The following GABRB1 variants were observed in gnomAD, a reference collection of about 807,000 sequenced individuals.
GABRB1 encodes the protein gamma-aminobutyric acid receptor subunit beta-1.
Under a neutral mutation model 51.6 loss-of-function variants are expected in GABRB1, and 17 were observed. The observed-to-expected ratio is 0.33, with a 90% CI of 0.23 to 0.49. The LOEUF (loss-of-function observed/expected upper bound fraction) is 0.49, where lower values mean the gene tolerates loss of function less well. Among genes scored for constraint, GABRB1 ranks in the 20% least tolerant of loss-of-function variants. The pLI is 0.99. For missense variants in GABRB1, 410 were observed against 600.6 expected (o/e 0.68, Z 3.32); for synonymous variants, 247 against 218.9 (o/e 1.13, Z -1.14).
chr4:47,311,347 G>GGATGCAGT lies in GABRB1; in HGVS notation c.462-8777_462-8770dup, dbSNP rs1273591294. The stretch of plus-strand genomic sequence containing the variant: ...GAATCTCTTGAAGCTGGGAGATGGA[G>GGATGCAGT]GATGCAGTGAGCTGAGATCGTGCCA... On this transcript the variant is annotated intron_variant, in intron 4 of 8. Coordinates refer to ENST00000295454, the MANE Select transcript of GABRB1 (RefSeq NM_000812.4). Among the ~76,000 whole-genome samples the GGATGCAGT allele has an allele frequency of 3.3e-5, 5 of 150,750 alleles. No individual in the cohort carries two copies. In the East Asian group the frequency reaches 1.0e-3, roughly 30 times the overall value.
chr4:47,368,648 A>G (rs898364561), intron 5 of GABRB1, among the ~76,000 whole-genome samples: 13 of 152,118 alleles, frequency 8.5e-5, no homozygotes, highest in Non-Finnish European at 1.8e-4. Flanking sequence ...TCTGATAGCC[A>G]GTGTTGTTTT....
intron 4 of GABRB1, among the ~76,000 whole-genome samples, chr4:47,219,737 T>G (rs1006332597): frequency 1.3e-5 from 2 of 151,912 alleles, no homozygotes; most frequent in South Asian, 4.1e-4. Flanking sequence ...TATGTGGAAT[T>G]ACCTTATTTC....
chr4:47,038,357 G>A (rs978688176), intron 3 of GABRB1, among the ~76,000 whole-genome samples: 3 of 152,146 alleles, frequency 2.0e-5, no homozygotes, highest in Admixed American at 6.5e-5. Context: ...GCAACAAGAA[G>A]CAATGATCTT....
chr4:47,017,782 G>A (rs1349441528), intron 1 of GABRB1, among the ~76,000 whole-genome samples: 1 of 152,076 alleles, frequency 6.6e-6, no homozygotes, highest in Non-Finnish European at 1.5e-5. Flanking sequence ...TCAAAATTTT[G>A]CTCACTGCTT....
chr4:47,030,114 T>C (rs555282114), upstream of GABRB1, among the ~76,000 whole-genome samples: 63 of 152,318 alleles, frequency 4.1e-4, no homozygotes, highest in Admixed American at 2.4e-3. Flanking sequence ...TTGGATAGAA[T>C]TGACATCCTT....
chr4:47,258,427 C>T (rs1246343743), intron 4 of GABRB1, among the ~76,000 whole-genome samples: 1 of 152,032 alleles, frequency 6.6e-6, no homozygotes, highest in Non-Finnish European at 1.5e-5. Context: ...TATTAGTTCC[C>T]ATCAAATTCT....
rs1274221477 is a variant in GABRB1, at chr4:47,019,625, C to CTCTCTCTCTCTCTTTCTT, written c.-19-12286_-19-12285insCTCTCTCTCTTTCTTTCT. On this transcript the variant is annotated intron_variant, in intron 1 of 3. Coordinates refer to the GABRB1 transcript ENST00000513567. ...TCCTCCCTTCTTTCTTTCTTTCTCTCTCTTTCTTTCTTTCTTTCTTTCTTT... is the reference window on the plus strand; with the variant it reads ...TCCTCCCTTCTTTCTTTCTTTCTCTCTCTCTCTCTCTCTTTCTTTCTTTCTTTCTTTCTTTCTTTCTTT... 9.3e-4 allele frequency among the ~76,000 whole-genome samples: 85 copies of CTCTCTCTCTCTCTTTCTT among 91,098 alleles called. 1 individual carries two copies. Among genetic ancestry groups the CTCTCTCTCTCTCTTTCTT allele is most frequent in the African/African-American group, 2.0e-3 (46 of 22,622 alleles). The allele number at this position is 91,098 out of a possible 152,430, so 59.8% of individuals were successfully genotyped here.
intron 5 of GABRB1, among the ~76,000 whole-genome samples, chr4:47,338,406 C>G (rs890776645): frequency 2.0e-5 from 3 of 152,144 alleles, no homozygotes; most frequent in Non-Finnish European, 4.4e-5. Flanking sequence ...ACAGATGCAC[C>G]ACGCCATTCT....
intron 3 of GABRB1, among the ~76,000 whole-genome samples, chr4:47,083,182 C>G (rs1322015611): frequency 3.9e-5 from 6 of 152,110 alleles, no homozygotes; most frequent in African/African-American, 1.4e-4. Context: ...GACCTTTAGT[C>G]TTGTAATTGA....
intron 3 of GABRB1, among the ~76,000 whole-genome samples, chr4:47,114,997 G>A (rs142277749): frequency 3.3e-5 from 5 of 152,156 alleles, no homozygotes; most frequent in African/African-American, 1.2e-4. Flanking sequence ...TCTTCTTTAA[G>A]CTCTTTAAAT....
chr4:47,025,244 T>C (rs1725055399), intron 1 of GABRB1, among the ~76,000 whole-genome samples: 1 of 151,844 alleles, frequency 6.6e-6, no homozygotes, highest in African/African-American at 2.4e-5. Context: ...TGATTTATTT[T>C]CCTCTGGGTA....
At chr4:47,299,396 A>G (rs1724151481) in intron 4 of GABRB1, among the ~76,000 whole-genome samples, 1 of 152,212 alleles carries the variant, frequency 6.6e-6, no homozygotes, top group South Asian at 2.1e-4. Context: ...TTTACAAGAA[A>G]AAAACAAATA....
intron 4 of GABRB1, among the ~76,000 whole-genome samples, chr4:47,178,001 T>C (rs183411787): frequency 6.6e-6 from 1 of 152,088 alleles, no homozygotes; most frequent in East Asian, 1.9e-4. Context: ...TATAACTCCA[T>C]GTTGCTATAG....
intron 3 of GABRB1, among the ~76,000 whole-genome samples, chr4:47,096,251 C>T (rs1714425743): frequency 1.3e-5 from 2 of 152,236 alleles, no homozygotes; most frequent in African/African-American, 2.4e-5. Context: ...TCCATTATTA[C>T]TGTTTTTCCT....
At chr4:47,260,951 C>T (rs1461354459) in intron 4 of GABRB1, among the ~76,000 whole-genome samples, 1 of 152,184 alleles carries the variant, frequency 6.6e-6, no homozygotes, top group African/African-American at 2.4e-5. Context: ...ACAAAAACCA[C>T]ATGATTATCT....
intron 4 of GABRB1, among the ~76,000 whole-genome samples, chr4:47,244,875 G>T (rs1400189699): frequency 6.6e-6 from 1 of 152,076 alleles, no homozygotes; most frequent in Non-Finnish European, 1.5e-5. Context: ...AGCACTAAAT[G>T]CCCACAAGAG....
upstream of GABRB1, among the ~76,000 whole-genome samples, chr4:47,028,183 T>A (rs527456775): frequency 1.5e-3 from 233 of 151,828 alleles, 3 homozygotes; most frequent in African/African-American, 5.1e-3. Flanking sequence ...TTCTATTTTT[T>A]AAAAAGTTTT....
intron 5 of GABRB1, among the ~76,000 whole-genome samples, chr4:47,349,025 G>C (rs758552662): frequency 1.4e-4 from 22 of 152,124 alleles, no homozygotes; most frequent in Non-Finnish European, 2.5e-4. Context: ...GATAAACACG[G>C]ATGCCATCTA....
At chr4:47,127,478 A>G (rs1455970267) in intron 3 of GABRB1, among the ~76,000 whole-genome samples, 1 of 151,846 alleles carries the variant, frequency 6.6e-6, no homozygotes, top group African/African-American at 2.4e-5. Context: ...AAAATGTTTA[A>G]TGAAATTATT....
Sources: gnomAD v4.1 joint callset for allele counts (sites outside exome capture counted in the v4.1 genomes callset) on GRCh38, gnomAD v4.1.1 for gene constraint, MANE v1.5 for transcripts, NCBI Gene and HGNC (gene_info 2026-07-23, HGNC 2026-07-21) for gene names.